The following EHBP1 variants were observed in gnomAD, a reference collection of about 807,000 sequenced individuals.
EHBP1 encodes EH domain-binding protein 1.
A neutral mutation model predicts 144.0 loss-of-function variants in EHBP1; 55 were observed. The ratio of observed to expected loss-of-function variants is 0.38; its 90% CI spans 0.31 to 0.48. EHBP1 has a LOEUF of 0.48. Among genes scored for constraint, EHBP1 ranks in the 20% least tolerant of loss-of-function variants. The pLI is 0.98. For missense variants in EHBP1, 1,200 were observed against 1,364.2 expected (o/e 0.88, Z 1.90); for synonymous variants, 469 against 472.7 (o/e 0.99, Z 0.10).
chr2:62,712,585 T>C (rs1304706590), intron 2 of EHBP1, among the ~76,000 whole-genome samples: 1 of 152,152 alleles, frequency 6.6e-6, no homozygotes, highest in Non-Finnish European at 1.5e-5. Context: ...CAGGAATGTA[T>C]AACTGAGGGG....
intron 4 of EHBP1, among the ~76,000 whole-genome samples, chr2:62,769,209 A>C (rs1328554545): frequency 6.6e-6 from 1 of 152,188 alleles, no homozygotes; most frequent in African/African-American, 2.4e-5. Context: ...GGAAGAGAGG[A>C]AGTCAGTTTA....
At chr2:63,029,454 C>A (rs577558404) in intron 19 of EHBP1, among the ~76,000 whole-genome samples, 55 of 150,462 alleles carry the variant, frequency 3.7e-4, no homozygotes, top group African/African-American at 1.1e-3. Flanking sequence ...ATTATGCGGC[C>A]TTTGAGGGCA....
At chr2:62,977,972 C>G (rs2058790012) in intron 14 of EHBP1, among the ~76,000 whole-genome samples, 1 of 151,998 alleles carries the variant, frequency 6.6e-6, no homozygotes, top group South Asian at 2.1e-4. Flanking sequence ...AGAAATGACA[C>G]ACTCAGAGCC....
chr2:63,001,962 C>T (rs1012490133), intron 19 of EHBP1, among the ~76,000 whole-genome samples: 1 of 152,128 alleles, frequency 6.6e-6, no homozygotes, highest in African/African-American at 2.4e-5. Context: ...CAAAAAGATA[C>T]CTAGCCAACC....
At chr2:62,945,017 T>C (rs1046715791) in intron 12 of EHBP1, among the ~76,000 whole-genome samples, 1 of 152,276 alleles carries the variant, frequency 6.6e-6, no homozygotes, top group Non-Finnish European at 1.5e-5. Context: ...TCATCTGAAA[T>C]TTAGCATTTC....
At chr2:62,771,631 G>A (rs1305590039) in intron 5 of EHBP1, 11 of 225,296 alleles carry the variant, frequency 4.9e-5, no homozygotes, top group Admixed American at 1.7e-4. Context: ...GTATGTATGC[G>A]TGTGTATATG....
rs142565126 is a variant in EHBP1, at chr2:62,751,536, T to C, written c.162+4084T>C. Among the ~76,000 whole-genome samples the C allele has an allele frequency of 1.8e-3, 270 of 152,328 alleles. 10 individuals are homozygous for C. The East Asian group carries it at 0.048, about 27-fold the overall frequency. On this transcript the variant is annotated intron_variant, in intron 3 of 22. Transcript: ENST00000431489. ...GGAGGATTTCCTCTTTTTCTATTGA[T>C]TGGAATAGTTTCAGAAGGAATAGTA...
intron 15 of EHBP1, among the ~76,000 whole-genome samples, chr2:62,980,976 C>T (rs532987090): frequency 4.1e-5 from 6 of 145,710 alleles, no homozygotes; most frequent in South Asian, 4.3e-4. Context: ...GAGGCTGAAT[C>T]GGGAGGATCA....
intron 10 of EHBP1, among the ~76,000 whole-genome samples, chr2:62,908,696 G>T (rs956175676): frequency 2.0e-5 from 3 of 151,940 alleles, no homozygotes; most frequent in South Asian, 2.1e-4. Context: ...ATTTAGTCTC[G>T]AGTACTTGTA....
chr2:62,956,671 C>A (rs2153114405), intron 14 of EHBP1, among the ~76,000 whole-genome samples: 1 of 144,248 alleles, frequency 6.9e-6, no homozygotes, highest in East Asian at 2.1e-4. Context: ...AACAGTGACA[C>A]CCCATCTCTA....
chr2:62,913,666 T>C (rs185794536), intron 10 of EHBP1, among the ~76,000 whole-genome samples: 1 of 152,350 alleles, frequency 6.6e-6, no homozygotes, highest in Non-Finnish European at 1.5e-5. Context: ...CAGTAAGCAT[T>C]GATACAAAGT....
At chr2:62,806,115 G>C (rs1404520273) in intron 5 of EHBP1, among the ~76,000 whole-genome samples, 2 of 152,068 alleles carry the variant, frequency 1.3e-5, no homozygotes, top group African/African-American at 4.8e-5. Context: ...CAGGAGCTGG[G>C]AGTACAGGCA....
intron 19 of EHBP1, among the ~76,000 whole-genome samples, chr2:63,020,483 A>G (rs1001475023): frequency 6.6e-6 from 1 of 151,064 alleles, no homozygotes; most frequent in Non-Finnish European, 1.5e-5. Flanking sequence ...AGCCTGCACA[A>G]CAGAATGAGA....
chr2:62,844,164 G>A (rs755618183), intron 7 of EHBP1, among the ~76,000 whole-genome samples: 18 of 152,110 alleles, frequency 1.2e-4, no homozygotes, highest in Non-Finnish European at 2.6e-4. Context: ...ATTTCTTATG[G>A]AAAGTTGCTG....
intron 19 of EHBP1, among the ~76,000 whole-genome samples, chr2:63,013,168 G>C (rs2060339675): frequency 6.6e-6 from 1 of 152,152 alleles, no homozygotes; most frequent in Admixed American, 6.6e-5. Flanking sequence ...GTAACTAAGT[G>C]AATCAGTCCT....
At chr2:62,946,340 A>C (rs1285302540) in intron 12 of EHBP1, among the ~76,000 whole-genome samples, 1 of 152,188 alleles carries the variant, frequency 6.6e-6, no homozygotes, top group Admixed American at 6.5e-5. Flanking sequence ...TTTTTCAATT[A>C]AATCTTCCAG....
At chr2:62,818,760 A>C (rs1317513114) in intron 5 of EHBP1, among the ~76,000 whole-genome samples, 1 of 152,224 alleles carries the variant, frequency 6.6e-6, no homozygotes, top group Non-Finnish European at 1.5e-5. Context: ...GGAAAGTCTA[A>C]TGAAATAACC....
At chr2:62,772,534 A>T (rs1228836008) in intron 5 of EHBP1, among the ~76,000 whole-genome samples, 1 of 152,266 alleles carries the variant, frequency 6.6e-6, no homozygotes, top group Non-Finnish European at 1.5e-5. Flanking sequence ...AATATATTAG[A>T]TTCACAGAAA....
intron 2 of EHBP1, among the ~76,000 whole-genome samples, chr2:62,710,171 TTACTA>T (rs1346673688): frequency 2.0e-5 from 3 of 152,174 alleles, no homozygotes; most frequent in Admixed American, 6.5e-5. Flanking sequence ...AGAGAAATCT[TTACTA>T]TATGAGTTCT....
Sources: allele counts gnomAD v4.1 joint callset (sites outside exome capture counted in the v4.1 genomes callset), GRCh38; gene constraint gnomAD v4.1.1; transcripts MANE v1.5; gene names NCBI Gene and HGNC (gene_info 2026-07-23, HGNC 2026-07-21).